BCL9: variants seen among roughly 807,000 people sequenced by gnomAD.
BCL9 encodes the protein B-cell CLL/lymphoma 9 protein.
Under a neutral mutation model 88.5 loss-of-function variants are expected in BCL9, and 25 were observed. The observed-to-expected ratio is 0.28, with a 90% CI of 0.21 to 0.39. The LOEUF is 0.39. BCL9 is among the 10% of genes least tolerant of loss of function. The pLI is 1.00. For missense variants in BCL9, 1,817 were observed against 1,877.8 expected (o/e 0.97, Z 0.60); for synonymous variants, 711 against 673.3 (o/e 1.06, Z -0.87).
In BCL9 at chr1:147,618,338, AC is replaced by A. The variant is rs1658397910; in HGVS notation, c.661-477del. Among the ~76,000 whole-genome samples the A allele has an allele frequency of 2.0e-5, 3 of 151,902 alleles. No individual in the cohort carries two copies. The South Asian group carries it at 6.2e-4, about 31-fold the overall frequency. ...TAGAATACAGAGCTGCAAGTGACTT[AC>A]GCTTTCTCTCTCAAGATGGCAACAT... On this transcript the variant is annotated intron_variant, in intron 7 of 9. Coordinates refer to ENST00000234739, the MANE Select transcript of BCL9 (RefSeq NM_004326.4).
chr1:147,591,414 C>T (rs1399097147), intron 1 of BCL9, among the ~76,000 whole-genome samples: 2 of 152,180 alleles, frequency 1.3e-5, no homozygotes, highest in East Asian at 1.9e-4. Flanking sequence ...CTCAGCTCCA[C>T]CACTCTCTAG....
Position 147,624,171 on chromosome 1 carries a change from T to A in BCL9, c.3493T>A (p.Phe1165Ile), listed in dbSNP as rs782685215. Residue 1165 changes from phenylalanine (F) to isoleucine (I), a missense_variant, in exon 10 of 10, where the codon TTC becomes ATC. Phe to Ile is a conservative substitution (Grantham distance 21, BLOSUM62 0). This residue lies in a region of BCL9 where 589 missense variants were observed against 686.2 expected (regional missense o/e 0.86). Transcript: ENST00000234739. The surrounding 1 kb of genome is among the most constrained non-coding windows in gnomAD (Gnocchi z 4.4). ...HNGPSGGQGS[F>I]PGGMGFPGEG... Reference sequence around the variant, plus strand: ...TGGCCCCAGTGGGGGGCAGGGCAGCTTCCCAGGAGGGATGGGTTTCCCAGG... The same window carrying A: ...TGGCCCCAGTGGGGGGCAGGGCAGCATCCCAGGAGGGATGGGTTTCCCAGG... The A allele has an allele frequency of 4.4e-6, 7 of 1,599,730 alleles. No homozygotes were observed. Among genetic ancestry groups the A allele is most frequent in the Non-Finnish European group, 6.0e-6 (7 of 1,171,680 alleles).
At position 147,623,653 on chromosome 1, in the gene BCL9, G is replaced by A. The variant is rs138843968; in HGVS notation, c.3164-189G>A. Among the ~76,000 whole-genome samples the A allele has an allele frequency of 4.3e-3, 648 of 152,272 alleles. 4 individuals are homozygous for A. The highest frequency in any genetic ancestry group is 0.015 in the African/African-American group (615 of 41,548). ...TTAAGACTCAATAATATATTGTCCT[G>A]TAGAGCTCTTGGTTTGTATGTCCCC... On this transcript the variant is annotated intron_variant, in intron 9 of 9. Coordinates refer to ENST00000234739, the MANE Select transcript of BCL9 (RefSeq NM_004326.4).
intron 1 of BCL9, among the ~76,000 whole-genome samples, chr1:147,555,805 G>A (rs1352047850): frequency 6.6e-6 from 1 of 152,212 alleles, no homozygotes; most frequent in Admixed American, 6.5e-5. Context: ...GCTCTCTCAT[G>A]CCTAAGTTGA....
chr1:147,578,697 C>G (rs1006042121), intron 1 of BCL9, among the ~76,000 whole-genome samples: 2 of 152,210 alleles, frequency 1.3e-5, no homozygotes, highest in Non-Finnish European at 2.9e-5. Flanking sequence ...TGGACTAACT[C>G]TATTCAAACT....
At chr1:147,551,039 C>A (rs782748378) in intron 1 of BCL9, among the ~76,000 whole-genome samples, 3 of 152,146 alleles carry the variant, frequency 2.0e-5, no homozygotes, top group Non-Finnish European at 2.9e-5. Context: ...TTCCTTATAA[C>A]AATCCTGAGG....
chr1:147,551,894 A>G, intron 1 of BCL9, among the ~76,000 whole-genome samples: 1 of 152,230 alleles, frequency 6.6e-6, no homozygotes, highest in Admixed American at 6.5e-5. Context: ...TAATAATTTA[A>G]ATATGTCAAA....
At position 147,620,517 on chromosome 1, in the gene BCL9, T is replaced by G. The variant is rs782572053; in HGVS notation, c.2362T>G (p.Ser788Ala). 34 of 1,613,930 alleles carry G rather than the reference T, an allele frequency of 2.1e-5. No homozygotes were observed. The African/African-American group carries it at 3.9e-4, about 18-fold the overall frequency. ...GGGCCCCAGACCATTCCTTCCCATG[T>G]CTCAGGGTCCAGGCAGCAACAGTGG... Reference protein sequence around the residue: ...GMGPRPFLPMSQGPGSNSGLR... With the variant: ...GMGPRPFLPMAQGPGSNSGLR... Residue 788 changes from serine (S) to alanine (A), a missense_variant, in exon 8 of 10, where the codon TCT (serine) becomes GCT (alanine). Physicochemically the swap from Ser to Ala is moderately conservative, Grantham distance 99. Coordinates refer to ENST00000234739, the MANE Select transcript of BCL9 (RefSeq NM_004326.4).
chr1:147,557,523 G>A (rs369693420), intron 1 of BCL9, among the ~76,000 whole-genome samples: 1 of 152,074 alleles, frequency 6.6e-6, no homozygotes, highest in Non-Finnish European at 1.5e-5. Context: ...GGAAGATAAG[G>A]GTAGAGGCTT....
chr1:147,610,133 A>G (rs1197447183), intron 3 of BCL9, among the ~76,000 whole-genome samples: 1 of 151,790 alleles, frequency 6.6e-6, no homozygotes, highest in Non-Finnish European at 1.5e-5. Context: ...TTATGATTAT[A>G]TATGTCCAAC....
At chr1:147,612,157 A>G (rs1557853982) in intron 4 of BCL9, among the ~76,000 whole-genome samples, 1 of 152,160 alleles carries the variant, frequency 6.6e-6, no homozygotes, top group Non-Finnish European at 1.5e-5. Flanking sequence ...AAACGAAAGG[A>G]CCATAGAGAC....
rs891301627 is a variant in BCL9, at chr1:147,613,480, G to A, written c.370+281G>A. ...CACAGGCCTATCCCTGTTCGTACAC[G>A]TTTCTGGCCTCTATGCTGTTTGTAC... On this transcript the variant is annotated intron_variant, in intron 5 of 9. Transcript: ENST00000234739. 3.3e-5 allele frequency among the ~76,000 whole-genome samples: 5 copies of A among 152,274 alleles called. No individual in the cohort carries two copies. In the South Asian group the frequency reaches 6.2e-4, roughly 19 times the overall value.
At chr1:147,547,706 T>G (rs1357995375) in intron 1 of BCL9, among the ~76,000 whole-genome samples, 1 of 152,148 alleles carries the variant, frequency 6.6e-6, no homozygotes, top group African/African-American at 2.4e-5. Flanking sequence ...ACAATAATAA[T>G]AAGTAGATGC....
intron 7 of BCL9, among the ~76,000 whole-genome samples, chr1:147,616,891 A>G (rs1553203952): frequency 6.6e-6 from 1 of 152,360 alleles, no homozygotes; most frequent in South Asian, 2.1e-4. Context: ...GGGGATACTA[A>G]GAAGTTCAAG....
chr1:147,566,789 C>T (rs1344786126), intron 1 of BCL9, among the ~76,000 whole-genome samples: 3 of 151,922 alleles, frequency 2.0e-5, no homozygotes, highest in African/African-American at 4.8e-5. Context: ...AGTCATGGGC[C>T]ATAAAGCTAA....
chr1:147,550,299 T>A (rs1654828407), intron 1 of BCL9, among the ~76,000 whole-genome samples: 1 of 152,110 alleles, frequency 6.6e-6, no homozygotes, highest in African/African-American at 2.4e-5. Context: ...CATCTTCCCT[T>A]CCACGTAACT....
At position 147,624,061 on chromosome 1, in the gene BCL9, C is replaced by T. The variant is rs149196080; in HGVS notation, c.3383C>T (p.Pro1128Leu). ...PIMGHGSQEPPMVPQGRMGFP... is the reference protein window; with the variant it reads ...PIMGHGSQEPLMVPQGRMGFP... ...ATGGGGCATGGGTCCCAGGAGCCAC[C>T]GATGGTACCTCAAGGACGGATGGGC... Residue 1128 changes from proline to leucine, a missense_variant, in exon 10 of 10, where the codon CCG (proline) becomes CTG (leucine). Pro to Leu is a moderately conservative substitution (Grantham distance 98). Coordinates refer to ENST00000234739, the MANE Select transcript of BCL9 (RefSeq NM_004326.4). This position sits in a 1 kb window ranked among gnomAD's most constrained non-coding sequence, Gnocchi z 4.4. 29 of 1,613,610 alleles carry T rather than the reference C, an allele frequency of 1.8e-5. No individual in the cohort carries two copies. The African/African-American group carries it at 3.1e-4, about 17-fold the overall frequency.
chr1:147,591,804 G>A (rs1553199938), intron 1 of BCL9, among the ~76,000 whole-genome samples: 1 of 152,140 alleles, frequency 6.6e-6, no homozygotes, highest in African/African-American at 2.4e-5. Flanking sequence ...CACTAGTCCA[G>A]ATTCTAATCA....
At position 147,622,264 on chromosome 1, in the gene BCL9, C is replaced by T; in HGVS notation, c.2903-7C>T. On this transcript the variant is annotated splice_region_variant and splice_polypyrimidine_tract_variant and intron_variant, in intron 8 of 9. Coordinates refer to ENST00000234739, the MANE Select transcript of BCL9 (RefSeq NM_004326.4). Reference sequence around the variant, plus strand: ...TGCCCGTTTTGTTTTATTTTGCTTCCTTTTAGGTGGCCCCCCACCTCCTAC... The same window carrying T: ...TGCCCGTTTTGTTTTATTTTGCTTCTTTTTAGGTGGCCCCCCACCTCCTAC... 1 of 1,613,922 alleles carries T rather than the reference C, an allele frequency of 6.2e-7. No individual in the cohort carries two copies. Among genetic ancestry groups the T allele is most frequent in the Non-Finnish European group, 8.5e-7 (1 of 1,179,892 alleles).
Sources: gnomAD v4.1 joint callset for allele counts (sites outside exome capture counted in the v4.1 genomes callset) on GRCh38, gnomAD v4.1.1 for gene constraint, gnomAD v4.1.1 regional missense constraint, Gnocchi (gnomAD v3.1) non-coding constraint, MANE v1.5 for transcripts, NCBI Gene and HGNC (gene_info 2026-07-23, HGNC 2026-07-21) for gene names.